PROS1: variants seen among roughly 807,000 people sequenced by gnomAD.
The protein encoded by PROS1 is vitamin K-dependent protein S.
Under a neutral mutation model 75.9 loss-of-function variants are expected in PROS1, and 29 were observed. That is an observed-to-expected ratio of 0.38 (90% CI 0.28 to 0.52). The LOEUF is 0.52. PROS1 is among the 20% of genes least tolerant of loss of function. The pLI is 0.83. For synonymous variants in PROS1, 245 were observed against 280.6 expected (o/e 0.87, Z 1.27); for missense variants, 680 against 810.3 (o/e 0.84, Z 1.95).
intron 2 of PROS1, among the ~76,000 whole-genome samples, chr3:93,926,899 T>C (rs1576198056): frequency 6.6e-6 from 1 of 151,212 alleles, no homozygotes; most frequent in Non-Finnish European, 1.5e-5. Context: ...CATGTCTGCC[T>C]AAAAAGCCCA....
intron 1 of PROS1, among the ~76,000 whole-genome samples, chr3:93,949,647 A>C (rs998660761): frequency 3.3e-5 from 5 of 152,226 alleles, no homozygotes; most frequent in Admixed American, 2.0e-4. Flanking sequence ...CAACATAATT[A>C]GGCATTTCAT....
intron 1 of PROS1, among the ~76,000 whole-genome samples, chr3:93,948,871 C>T (rs1182861295): frequency 2.6e-5 from 4 of 152,138 alleles, no homozygotes; most frequent in Admixed American, 1.3e-4. Flanking sequence ...TTGCTCTATA[C>T]ATTTCTCTTA....
chr3:93,879,289 C>T lies in PROS1; in HGVS notation c.1518G>A (p.Trp506Ter). 3 of 1,613,952 alleles carry T rather than the reference C, an allele frequency of 1.9e-6. No individual in the cohort carries two copies. The highest frequency in any genetic ancestry group is 2.5e-6 in the Non-Finnish European group (3 of 1,179,890). ...GAATATTCAAGGTCACATTTACATG[C>T]CAACCCTCAGCACTGGATACATTAT... ...DYNNVSSAEG[W>*]HVNVTLNIRP... The change falls in exon 13 of 15, where the codon TGG (tryptophan) becomes TGA (stop). Residue 506 changes from tryptophan to a stop codon, truncating the protein, a stop_gained. Coordinates refer to ENST00000394236, the MANE Select transcript of PROS1 (RefSeq NM_000313.4). LOFTEE classifies it high-confidence loss of function.
intron 2 of PROS1, among the ~76,000 whole-genome samples, chr3:93,924,829 G>T (rs1708993318): frequency 2.0e-5 from 3 of 151,696 alleles, no homozygotes; most frequent in Admixed American, 1.3e-4. Context: ...TGCACAGCTG[G>T]TTTTTTGTTG....
intron 3 of PROS1, among the ~76,000 whole-genome samples, chr3:93,918,018 G>C (rs531902175): frequency 6.6e-6 from 1 of 152,312 alleles, no homozygotes; most frequent in South Asian, 2.1e-4. Context: ...CCCCAGTGCA[G>C]GATCCACTGG....
intron 12 of PROS1, among the ~76,000 whole-genome samples, chr3:93,884,230 G>A (rs1003904355): frequency 2.3e-4 from 35 of 152,234 alleles, no homozygotes; most frequent in Admixed American, 1.4e-3. Context: ...ACAAAATGAC[G>A]AGACTCAGAT....
chr3:93,905,878 T>A lies in PROS1; in HGVS notation c.507A>T (p.Gly169=). Residue 169 remains glycine, a synonymous_variant, in exon 6 of 15, where the codon GGA becomes GGT. Coordinates refer to ENST00000394236, the MANE Select transcript of PROS1 (RefSeq NM_000313.4). ...NECKDPSNIN[G]GCSQICDNTP... Reference sequence around the variant, plus strand: ...TATTATCACAAATTTGACTGCAACCTCCATTTATATTTGAGGGATCTTTGC... The same window carrying A: ...TATTATCACAAATTTGACTGCAACCACCATTTATATTTGAGGGATCTTTGC... 1.2e-6 allele frequency: 2 copies of A among 1,613,136 alleles called. No individual in the cohort carries two copies. Among genetic ancestry groups the A allele is most frequent in the South Asian group, 1.1e-5 (1 of 91,042 alleles).
At chr3:93,953,404 G>A (rs1272858400) in intron 1 of PROS1, among the ~76,000 whole-genome samples, 1 of 152,174 alleles carries the variant, frequency 6.6e-6, no homozygotes, top group Non-Finnish European at 1.5e-5. Context: ...CTTCATCCCT[G>A]GAAAGCAAGG....
At chr3:93,897,160 G>A (rs1708514314) in intron 8 of PROS1, among the ~76,000 whole-genome samples, 1 of 151,990 alleles carries the variant, frequency 6.6e-6, no homozygotes, top group Non-Finnish European at 1.5e-5. Flanking sequence ...AAAGTTTTCT[G>A]AGCAAGAATG....
At chr3:93,932,433 TA>T (rs1709119423) in intron 1 of PROS1, among the ~76,000 whole-genome samples, 2 of 152,224 alleles carry the variant, frequency 1.3e-5, no homozygotes, top group Admixed American at 1.3e-4. Flanking sequence ...AAGTCCTTGT[TA>T]AAACCCAACT....
Position 93,874,035 on chromosome 3 carries a change from T to G in PROS1, c.*210A>C, listed in dbSNP as rs1576170345. The G allele has an allele frequency of 1.1e-5, 6 of 555,882 alleles. No homozygotes were observed. The East Asian group carries it at 2.0e-4, about 18-fold the overall frequency. 34.4% of individuals were successfully genotyped at this position (555,882 alleles called of 1,614,324 possible). A position where few individuals can be genotyped will look rare whatever the true frequency, so the allele number is the denominator to read the frequency against. On this transcript the variant is annotated 3_prime_UTR_variant, in exon 15 of 15. Transcript: ENST00000394236. ...ATTTAAAATTGTTATTTTTCACTAT[T>G]CTTAGATAGCAAGAGAAGTAAGAAT...
intron 1 of PROS1, among the ~76,000 whole-genome samples, chr3:93,935,699 T>C (rs1207920496): frequency 6.6e-6 from 1 of 152,134 alleles, no homozygotes; most frequent in Non-Finnish European, 1.5e-5. Context: ...AAAGTGCTTA[T>C]TTGCAAGTGA....
intron 4 of PROS1, among the ~76,000 whole-genome samples, chr3:93,907,197 G>A (rs1451729457): frequency 6.6e-6 from 1 of 152,354 alleles, no homozygotes; most frequent in South Asian, 2.1e-4. Context: ...GGACCAGTCA[G>A]CATGCACTTT....
intron 1 of PROS1, among the ~76,000 whole-genome samples, chr3:93,949,303 C>T (rs1190744418): frequency 2.0e-5 from 3 of 152,184 alleles, no homozygotes; most frequent in Non-Finnish European, 2.9e-5. Context: ...TTTATAAACT[C>T]ACAATCAATG....
chr3:93,897,274 A>G (rs1708515487), intron 8 of PROS1, among the ~76,000 whole-genome samples: 1 of 152,138 alleles, frequency 6.6e-6, no homozygotes, highest in South Asian at 2.1e-4. Flanking sequence ...ATTTAAAGTC[A>G]TCACATATGG....
rs1332617064 is a variant in PROS1, at chr3:93,906,115, T to A, written c.375A>T (p.Pro125=). ...AGCTCATATATCCATCTTCATTGCA[T>A]GGCAGAGGACTACACTGGTCTGGAA... is the stretch of plus-strand genomic sequence containing the variant. ...NAIPDQCSPL[P]CNEDGYMSCK... is the part of the protein sequence containing the mutation. Residue 125 remains proline, a synonymous_variant, in exon 5 of 15, where the codon CCA becomes CCT. Transcript: ENST00000394236. The A allele has an allele frequency of 6.2e-7, 1 of 1,614,042 alleles. No individual in the cohort carries two copies. The highest frequency in any genetic ancestry group is 8.5e-7 in the Non-Finnish European group (1 of 1,179,996).
At chr3:93,928,963 A>G (rs1265850378) in intron 1 of PROS1, among the ~76,000 whole-genome samples, 2 of 152,202 alleles carry the variant, frequency 1.3e-5, no homozygotes, top group Non-Finnish European at 2.9e-5. Context: ...TGGTGAGAGT[A>G]AGGGAAAACA....
At chr3:93,954,429 A>T (rs1368218172) in intron 1 of PROS1, among the ~76,000 whole-genome samples, 2 of 152,204 alleles carry the variant, frequency 1.3e-5, no homozygotes, top group East Asian at 3.8e-4. Flanking sequence ...CCACACATCT[A>T]CAACCACCTG....
chr3:93,925,013 A>T (rs1423235822), intron 2 of PROS1, among the ~76,000 whole-genome samples: 2 of 152,172 alleles, frequency 1.3e-5, no homozygotes, highest in Non-Finnish European at 2.9e-5. Context: ...CATTTATCTT[A>T]TACATCTTAT....
Sources: gnomAD v4.1 joint callset for allele counts (sites outside exome capture counted in the v4.1 genomes callset) on GRCh38, gnomAD v4.1.1 for gene constraint, MANE v1.5 for transcripts, NCBI Gene and HGNC (gene_info 2026-07-23, HGNC 2026-07-21) for gene names.